VWA5A: variants seen among roughly 807,000 people sequenced by gnomAD.
The protein encoded by VWA5A is von Willebrand factor A domain containing 5A.
Under a neutral mutation model 84.6 loss-of-function variants are expected in VWA5A, and 77 were observed. That is an observed-to-expected ratio of 0.91 (90% CI 0.76 to 1.10). VWA5A has a LOEUF of 1.10. VWA5A is among the 50% of genes least tolerant of loss of function. The pLI, the probability that VWA5A is intolerant of heterozygous loss-of-function variation, is 0.00. For synonymous variants in VWA5A, 334 were observed against 350.1 expected, an observed-to-expected ratio of 0.95 and a Z score of 0.51; for missense variants, 973 against 963.0, an observed-to-expected ratio of 1.01 and a Z score of -0.14.
intron 11 of VWA5A, among the ~76,000 whole-genome samples, chr11:124,127,426 T>C (rs950206554): frequency 2.3e-4 from 35 of 152,242 alleles, no homozygotes; most frequent in African/African-American, 8.0e-4. Flanking sequence ...TTGATGGGCA[T>C]TTGGGTTGGT....
At chr11:124,125,232 T>C (rs1865000976) in intron 11 of VWA5A, among the ~76,000 whole-genome samples, 1 of 152,016 alleles carries the variant, frequency 6.6e-6, no homozygotes, top group African/African-American at 2.4e-5. Flanking sequence ...CAAAACATGA[T>C]ATTGTTTGTC....
Position 124,136,157 on chromosome 11 carries a change from A to G in VWA5A, c.1388A>G (p.Gln463Arg), listed in dbSNP as rs752762770. ...KALRTLKRSL[Q>R]PVVEDVSLSW... ...CTCAGGACTCTGAAACGCTCTCTGC[A>G]GCCTGTGGTAGAGGATGTCTCTCTG... The change falls in exon 13 of 19, where the codon CAG becomes CGG. Residue 463 changes from glutamine (Q) to arginine (R), a missense_variant. Physicochemically the swap from Gln to Arg is conservative, Grantham distance 43 (BLOSUM62 1). Coordinates refer to ENST00000456829, the MANE Select transcript of VWA5A (RefSeq NM_001130142.2). 2 of 1,614,182 alleles carry G rather than the reference A, an allele frequency of 1.2e-6. No individual in the cohort carries two copies. The highest frequency in any genetic ancestry group is 4.5e-5 in the East Asian group (2 of 44,882).
chr11:124,140,715 T>C (rs1348551469), intron 15 of VWA5A, among the ~76,000 whole-genome samples: 1 of 152,188 alleles, frequency 6.6e-6, no homozygotes, highest in African/African-American at 2.4e-5. Context: ...GTGATCCTTC[T>C]GCCTGGGACT....
intron 11 of VWA5A, among the ~76,000 whole-genome samples, chr11:124,128,146 G>A (rs531761531): frequency 1.3e-5 from 2 of 152,244 alleles, no homozygotes; most frequent in Non-Finnish European, 2.9e-5. Flanking sequence ...ATGGTTTTAG[G>A]TCTTATGTTT....
intron 18 of VWA5A, 111 bp downstream of exon 18, chr11:124,145,474 A>G: frequency 7.2e-7 from 1 of 1,388,724 alleles, no homozygotes; most frequent in Non-Finnish European, 9.5e-7. Context: ...TCAGATCTTT[A>G]CTAATCTTTC....
chr11:124,116,777 G>T (rs1374608769), intron 2 of VWA5A, 97 bp downstream of exon 2: 1 of 152,158 alleles, frequency 6.6e-6, no homozygotes, highest in Non-Finnish European at 1.5e-5. Flanking sequence ...TTTAGTGGGG[G>T]TGCAAATGTA....
chr11:124,117,430 T>C, intron 2 of VWA5A, 67 bp from the exon 3 acceptor site: 1 of 1,436,244 alleles, frequency 7.0e-7, no homozygotes, highest in Non-Finnish European at 9.8e-7. Flanking sequence ...GAAAGGCACA[T>C]AAAGTACTGG....
chr11:124,141,648 A>G lies in VWA5A; in HGVS notation c.1930A>G (p.Arg644Gly). 6 of 1,614,158 alleles carry G rather than the reference A, an allele frequency of 3.7e-6. No individual in the cohort carries two copies. The highest frequency in any genetic ancestry group is 3.4e-6 in the Non-Finnish European group (4 of 1,180,034). ...SDRPPSASQPRGELMCYKAKT... is the reference protein window; with the variant it reads ...SDRPPSASQPGGELMCYKAKT... Reference sequence around the variant, plus strand: ...CCGTCCTCCTTCTGCATCTCAGCCCAGAGGGGAACTTATGTGTTATAAGGC... The same window carrying G: ...CCGTCCTCCTTCTGCATCTCAGCCCGGAGGGGAACTTATGTGTTATAAGGC... The change falls in exon 16 of 19, where the codon AGA becomes GGA. Residue 644 changes from arginine (R) to glycine (G), a missense_variant. By Grantham distance (125) the Arg-to-Gly change is moderately radical. Transcript: ENST00000456829.
At chr11:124,137,815 T>C (rs1860641023) in intron 15 of VWA5A, among the ~76,000 whole-genome samples, 1 of 152,208 alleles carries the variant, frequency 6.6e-6, no homozygotes, top group Non-Finnish European at 1.5e-5. Context: ...TTTCTATCTC[T>C]ATACATTTGC....
At chr11:124,123,267 AGGTGGG>A in intron 8 of VWA5A, 93 bp from the exon 9 acceptor site, 1 of 1,516,806 alleles carries the variant, frequency 6.6e-7, no homozygotes, top group Non-Finnish European at 8.9e-7. Flanking sequence ...AGAAGGCACA[AGGTGGG>A]GGATGGCCCA....
At chr11:124,125,308 A>G (rs1591359279) in intron 11 of VWA5A, among the ~76,000 whole-genome samples, 1 of 142,240 alleles carries the variant, frequency 7.0e-6, no homozygotes, top group Non-Finnish European at 1.5e-5. Context: ...CTTGAGATGG[A>G]GTCTCGCTCT....
At chr11:124,141,204 A>G (rs1310759093) in intron 15 of VWA5A, among the ~76,000 whole-genome samples, 1 of 152,250 alleles carries the variant, frequency 6.6e-6, no homozygotes, top group Non-Finnish European at 1.5e-5. Flanking sequence ...TGGATGCAGC[A>G]TCAGGGACTG....
chr11:124,137,112 C>G lies in VWA5A; in HGVS notation c.1723C>G (p.Leu575Val). The G allele has an allele frequency of 6.2e-7, 1 of 1,613,884 alleles. No individual in the cohort carries two copies. The highest frequency in any genetic ancestry group is 1.1e-5 in the South Asian group (1 of 91,064). ...PASDKKDALN[L>V]SLESGVISSF... ...AAGTGATAAAAAAGATGCATTGAACCTTAGCCTTGAGTCTGGTGTCATAAG... is the reference window on the plus strand; with the variant it reads ...AAGTGATAAAAAAGATGCATTGAACGTTAGCCTTGAGTCTGGTGTCATAAG... The change falls in exon 15 of 19, where the codon CTT becomes GTT. Residue 575 changes from leucine to valine, a missense_variant. By Grantham distance (32) the Leu-to-Val change is conservative (BLOSUM62 1). Transcript: ENST00000456829.
In VWA5A at chr11:124,146,215, T is replaced by C; in HGVS notation, c.*270T>C. On this transcript the variant is annotated 3_prime_UTR_variant, in exon 19 of 19. Transcript: ENST00000456829. ...TCAAAACATTCATAGGCAGTAATGT[T>C]CCTCCCAGGGTTTCCAGGGAAACAA... The C allele has an allele frequency of 3.3e-6, 1 of 306,034 alleles. No individual in the cohort carries two copies. The highest frequency in any genetic ancestry group is 6.1e-6 in the Non-Finnish European group (1 of 164,860). The allele number at this position is 306,034 out of a possible 1,614,324, so 19.0% of individuals were successfully genotyped here. A position where few individuals can be genotyped will look rare whatever the true frequency, so the allele number is the denominator to read the frequency against.
intron 12 of VWA5A, 54 bp downstream of exon 12, chr11:124,135,088 G>C: frequency 6.7e-7 from 1 of 1,497,366 alleles, no homozygotes; most frequent in South Asian, 1.2e-5. Flanking sequence ...GACCAAAGTG[G>C]AACGGGGTGG....
intron 3 of VWA5A, 45 bp downstream of exon 3, chr11:124,117,599 C>A: frequency 6.2e-7 from 1 of 1,613,928 alleles, no homozygotes; most frequent in East Asian, 2.2e-5. Context: ...ATCTTTGGCA[C>A]CTATCACAAG....
At position 124,116,283 on chromosome 11, in the gene VWA5A, TA is replaced by T. The variant is rs1591353979; in HGVS notation, c.-130-281del. On this transcript the variant is annotated intron_variant, in intron 1 of 18. Coordinates refer to ENST00000456829, the MANE Select transcript of VWA5A (RefSeq NM_001130142.2). ...GAAGTGCCATCCTGAGAGACAGAAC[TA>T]ATTCTGACCCAAACTAATTTTGTTT... The T allele has an allele frequency of 2.0e-5, 3 of 152,436 alleles. No individual in the cohort carries two copies. In the South Asian group the frequency reaches 6.2e-4, roughly 32 times the overall value. 9.4% of individuals were successfully genotyped at this position (152,436 alleles called of 1,614,324 possible). A position where few individuals can be genotyped will look rare whatever the true frequency, so the allele number is the denominator to read the frequency against.
Position 124,118,620 on chromosome 11 carries a change from T to C in VWA5A, c.557T>C (p.Ile186Thr), listed in dbSNP as rs1864879891. The C allele has an allele frequency of 3.7e-6, 6 of 1,614,136 alleles. No homozygotes were observed. Among genetic ancestry groups the C allele is most frequent in the Non-Finnish European group, 5.1e-6 (6 of 1,180,014 alleles). ...LPYTLSMVAT[I>T]DSQHGIEKVQ... ...TACACACTCAGCATGGTCGCCACCA[T>C]AGATTCCCAGCATGGCATTGAGAAG... Residue 186 changes from isoleucine (I) to threonine (T), a missense_variant, in exon 6 of 19, where the codon ATA becomes ACA. Physicochemically the swap from Ile to Thr is moderately conservative, Grantham distance 89 (BLOSUM62 -1). Coordinates refer to ENST00000456829, the MANE Select transcript of VWA5A (RefSeq NM_001130142.2).
chr11:124,136,301 C>T lies in VWA5A; in HGVS notation c.1524+8C>T. 6.2e-7 allele frequency: 1 copy of T among 1,608,934 alleles called. No homozygotes were observed. Among genetic ancestry groups the T allele is most frequent in the Non-Finnish European group, 8.5e-7 (1 of 1,175,936 alleles). On this transcript the variant is annotated splice_region_variant and intron_variant, in intron 13 of 18. Coordinates refer to ENST00000456829, the MANE Select transcript of VWA5A (RefSeq NM_001130142.2). ...CTGACCGGGAGGATGCCAGTGAGTT[C>T]CCATTCTTATTTGTTCCTCTAGTCA...
Sources: allele counts gnomAD v4.1 joint callset (sites outside exome capture counted in the v4.1 genomes callset), GRCh38; gene constraint gnomAD v4.1.1; transcripts MANE v1.5; gene names NCBI Gene and HGNC (gene_info 2026-07-23, HGNC 2026-07-21).